The following ZC3HAV1 variants were observed in gnomAD, a reference collection of about 807,000 sequenced individuals.
ZC3HAV1 encodes zinc finger CCCH-type containing, antiviral 1, also known as zinc finger CCCH-type antiviral protein 1.
In ZC3HAV1, 41 loss-of-function variants were observed where a neutral mutation model predicts 86.6. The ratio of observed to expected loss-of-function variants is 0.47; its 90% CI spans 0.37 to 0.61. The LOEUF is 0.61. ZC3HAV1 is among the 20% of genes least tolerant of loss of function. The probability of loss-of-function intolerance (pLI) is 0.00; values close to 1 mark genes in which losing one functional copy is unlikely to be tolerated. For missense variants in ZC3HAV1, 964 were observed against 1,141.1 expected, an observed-to-expected ratio of 0.84 and a Z score of 2.24; for synonymous variants, 421 against 432.1, an observed-to-expected ratio of 0.97 and a Z score of 0.32.
intron 1 of ZC3HAV1, among the ~76,000 whole-genome samples, chr7:139,107,374 T>G (rs1817966651): frequency 6.6e-6 from 1 of 152,168 alleles, no homozygotes. Flanking sequence ...CTGAAAGGGT[T>G]TTTGCTCTAA....
At chr7:139,087,706 A>C (rs1817311068) in intron 2 of ZC3HAV1, among the ~76,000 whole-genome samples, 1 of 152,090 alleles carries the variant, frequency 6.6e-6, no homozygotes, top group African/African-American at 2.4e-5. Flanking sequence ...AGCCTCCAGA[A>C]GTCCCCAACA....
At chr7:139,052,920 C>CAA (rs58092347) in intron 12 of ZC3HAV1, among the ~76,000 whole-genome samples, 43 of 120,680 alleles carry the variant, frequency 3.6e-4, no homozygotes, top group South Asian at 3.4e-3. Flanking sequence ...GACCCTGTCT[C>CAA]AAAAAAAAAA....
intron 9 of ZC3HAV1, among the ~76,000 whole-genome samples, chr7:139,058,743 G>A (rs1816362396): frequency 6.6e-6 from 1 of 152,094 alleles, no homozygotes; most frequent in South Asian, 2.1e-4. Context: ...GAGGGGAAGA[G>A]CAAATGGAAA....
intron 1 of ZC3HAV1, among the ~76,000 whole-genome samples, chr7:139,105,309 C>T (rs1177686388): frequency 6.6e-6 from 1 of 152,166 alleles, no homozygotes; most frequent in African/African-American, 2.4e-5. Context: ...CTGAAAGGCT[C>T]CATGCCCGAG....
chr7:139,079,408 A>C, intron 4 of ZC3HAV1, 62 bp downstream of exon 4: 1 of 1,613,202 alleles, frequency 6.2e-7, no homozygotes, highest in South Asian at 1.1e-5. Flanking sequence ...CTACTTGACT[A>C]GAGCCATTTG....
At position 139,080,102 on chromosome 7, in the gene ZC3HAV1, C is replaced by T; in HGVS notation, c.839G>A (p.Ser280Asn). ...CGCGTCCTCCAGGGAAGCCCTGTGGCTGATCTGATCTGGACTAGGTGTGCA... is the reference window on the plus strand; with the variant it reads ...CGCGTCCTCCAGGGAAGCCCTGTGGTTGATCTGATCTGGACTAGGTGTGCA... ...RSCTPSPDQI[S>N]HRASLEDAPV... Residue 280 changes from serine to asparagine, a missense_variant, in exon 4 of 13, where the codon AGC becomes AAC. Coordinates refer to ENST00000242351, the MANE Select transcript of ZC3HAV1 (RefSeq NM_020119.4). 1 of 1,614,148 alleles carries T rather than the reference C, an allele frequency of 6.2e-7. No individual in the cohort carries two copies. The highest frequency in any genetic ancestry group is 8.5e-7 in the Non-Finnish European group (1 of 1,180,032).
At chr7:139,104,829 T>G (rs1013372946) in intron 1 of ZC3HAV1, among the ~76,000 whole-genome samples, 1 of 150,384 alleles carries the variant, frequency 6.6e-6, no homozygotes, top group Non-Finnish European at 1.5e-5. Context: ...CCTAGGAGTT[T>G]GAGAGCAGCC....
intron 1 of ZC3HAV1, among the ~76,000 whole-genome samples, chr7:139,101,146 T>C (rs1393469107): frequency 6.6e-6 from 1 of 152,120 alleles, no homozygotes; most frequent in Non-Finnish European, 1.5e-5. Flanking sequence ...CACTCAGTGC[T>C]CAATCTTGCC....
chr7:139,060,554 A>G (rs932737092), intron 9 of ZC3HAV1: 9 of 999,700 alleles, frequency 9.0e-6, no homozygotes, highest in African/African-American at 7.0e-5. Flanking sequence ...AAGAATCCAC[A>G]GCAAAGCCAG....
chr7:139,095,862 G>T (rs992954569), intron 1 of ZC3HAV1, among the ~76,000 whole-genome samples: 1 of 152,160 alleles, frequency 6.6e-6, no homozygotes, highest in African/African-American at 2.4e-5. Context: ...AAATCAGAAG[G>T]TAGGAGACGG....
chr7:139,063,027 C>CAAAAAAAA (rs58859916), intron 8 of ZC3HAV1, among the ~76,000 whole-genome samples: 106 of 67,842 alleles, frequency 1.6e-3, no homozygotes, highest in Non-Finnish European at 2.1e-3. Flanking sequence ...GACTCTGTCT[C>CAAAAAAAA]AAAAAAAAAA....
intron 1 of ZC3HAV1, among the ~76,000 whole-genome samples, chr7:139,100,225 T>C (rs1030333073): frequency 1.3e-5 from 2 of 151,834 alleles, no homozygotes; most frequent in Non-Finnish European, 2.9e-5. Context: ...ATCCAGAATA[T>C]ATAAAGAATT....
intron 7 of ZC3HAV1, among the ~76,000 whole-genome samples, chr7:139,073,137 A>C (rs1044970174): frequency 6.6e-6 from 1 of 151,998 alleles, no homozygotes; most frequent in African/African-American, 2.4e-5. Context: ...GTCTACTAAA[A>C]ATACAAAAAT....
chr7:139,096,657 TAAAG>T (rs1033098499), intron 1 of ZC3HAV1, among the ~76,000 whole-genome samples: 4 of 152,200 alleles, frequency 2.6e-5, no homozygotes, highest in African/African-American at 9.7e-5. Context: ...AAAGATCACT[TAAAG>T]AAAAATCTTT....
At chr7:139,093,782 G>T (rs922586330) in intron 1 of ZC3HAV1, among the ~76,000 whole-genome samples, 14 of 152,140 alleles carry the variant, frequency 9.2e-5, no homozygotes, top group African/African-American at 3.1e-4. Flanking sequence ...CTCACACAAA[G>T]CCTGTTTGGT....
At chr7:139,093,367 A>G (rs1233626738) in intron 1 of ZC3HAV1, among the ~76,000 whole-genome samples, 2 of 152,218 alleles carry the variant, frequency 1.3e-5, no homozygotes, top group Non-Finnish European at 2.9e-5. Flanking sequence ...TAAATCACAT[A>G]AAGGGTGTGG....
At chr7:139,049,000 T>TAATCTAATAC (rs1437885086) in intron 12 of ZC3HAV1, among the ~76,000 whole-genome samples, 2 of 139,484 alleles carry the variant, frequency 1.4e-5, no homozygotes, top group African/African-American at 5.3e-5. Flanking sequence ...TATGTGCATA[T>TAATCTAATAC]GGTGGTTTAT....
intron 7 of ZC3HAV1, among the ~76,000 whole-genome samples, chr7:139,071,726 G>A (rs1030719963): frequency 2.0e-5 from 3 of 152,152 alleles, no homozygotes; most frequent in Non-Finnish European, 2.9e-5. Context: ...AGAGAGAAGA[G>A]CAACAAGGAG....
In ZC3HAV1 at chr7:139,083,795, G is replaced by A. The variant is rs962327907; in HGVS notation, c.682C>T (p.Pro228Ser). 12 of 1,612,046 alleles carry A rather than the reference G, an allele frequency of 7.4e-6. No individual in the cohort carries two copies. The highest frequency in any genetic ancestry group is 1.0e-5 in the Non-Finnish European group (12 of 1,178,404). The change falls in exon 3 of 13, where the codon CCC becomes TCC. Residue 228 changes from proline to serine, a missense_variant. Pro to Ser is a moderately conservative substitution (Grantham distance 74, BLOSUM62 -1). Coordinates refer to ENST00000242351, the MANE Select transcript of ZC3HAV1 (RefSeq NM_020119.4). ...AGGCCTTTACCTCTGGGCCCTGGGG[G>A]ATTCTTCTGCATGTGCTTGCTGTTG... ...ICNSKHMQKN[P>S]PGPRAPSSHR...
Sources: gnomAD v4.1 joint callset for allele counts (sites outside exome capture counted in the v4.1 genomes callset) on GRCh38, gnomAD v4.1.1 for gene constraint, MANE v1.5 for transcripts, NCBI Gene and HGNC (gene_info 2026-07-23, HGNC 2026-07-21) for gene names.